CWC22: variants seen among roughly 807,000 people sequenced by gnomAD.
CWC22 encodes the protein CWC22 spliceosome associated protein.
A neutral mutation model predicts 117.2 loss-of-function variants in CWC22; 53 were observed. The observed-to-expected ratio is 0.45, with a 90% CI of 0.36 to 0.57. The LOEUF is 0.57. Among genes scored for constraint, CWC22 ranks in the 20% least tolerant of loss-of-function variants. CWC22 has a pLI of 0.00. For missense variants in CWC22, 980 were observed against 1,068.8 expected (o/e 0.92, Z 1.16); for synonymous variants, 360 against 355.6 (o/e 1.01, Z -0.14).
At chr2:179,995,655 T>C (rs1687679791) in intron 1 of CWC22, among the ~76,000 whole-genome samples, 1 of 152,122 alleles carries the variant, frequency 6.6e-6, no homozygotes. Context: ...GTAACAACCA[T>C]AAACTCTTGA....
chr2:179,960,606 G>C (rs917371081), intron 13 of CWC22, among the ~76,000 whole-genome samples: 1 of 151,864 alleles, frequency 6.6e-6, no homozygotes, highest in African/African-American at 2.4e-5. Context: ...ATTTCAGAAG[G>C]ATTTAGAGAC....
rs199652450 is a variant in CWC22 at position 179,981,819 on chromosome 2, T to C, written c.385A>G (p.Thr129Ala). ...KDELDPLLTR[T>A]GGAYIPPAKL... ...GCAGGGGGAATATATGCTCCACCAGTGCGAGTAAGAAGAGGATCCAGCTCA... is the reference window on the plus strand; with the variant it reads ...GCAGGGGGAATATATGCTCCACCAGCGCGAGTAAGAAGAGGATCCAGCTCA... Residue 129 changes from threonine to alanine, a missense_variant, in exon 5 of 20, where the codon ACT becomes GCT. Physicochemically the swap from Thr to Ala is moderately conservative, Grantham distance 58 (BLOSUM62 0). Transcript: ENST00000410053. 2,251 of 1,613,818 alleles carry C rather than the reference T, an allele frequency of 1.4e-3. 6 individuals are homozygous for C. Among genetic ancestry groups the C allele is most frequent in the Non-Finnish European group, 1.8e-3 (2,094 of 1,179,856 alleles).
chr2:179,986,880 G>A, intron 3 of CWC22, 75 bp from the exon 4 acceptor site: 1 of 757,402 alleles, frequency 1.3e-6, no homozygotes, highest in East Asian at 2.8e-5. Context: ...GTCATATATT[G>A]GTAATGGTAA....
At chr2:179,994,924 G>A (rs1687662817) in intron 1 of CWC22, among the ~76,000 whole-genome samples, 1 of 152,122 alleles carries the variant, frequency 6.6e-6, no homozygotes, top group East Asian at 1.9e-4. Context: ...ACACCATCCT[G>A]GCAAACACAG....
chr2:179,964,752 T>G (rs1227215337), intron 12 of CWC22, 124 bp from the exon 13 acceptor site: 1 of 559,044 alleles, frequency 1.8e-6, no homozygotes. Context: ...TAATATTATC[T>G]TTTTACTGTG....
intron 1 of CWC22, among the ~76,000 whole-genome samples, chr2:180,004,986 C>G (rs1268530739): frequency 1.4e-5 from 2 of 147,602 alleles, no homozygotes; most frequent in Non-Finnish European, 3.0e-5. Flanking sequence ...CAGAAGTTCT[C>G]AAACTAATTG....
intron 1 of CWC22, among the ~76,000 whole-genome samples, chr2:180,006,110 A>C (rs1345202033): frequency 1.3e-5 from 2 of 152,224 alleles, no homozygotes; most frequent in Admixed American, 1.3e-4. Flanking sequence ...AATACAGATA[A>C]GAGGTAGGTT....
rs760059247 is a variant in CWC22 at position 179,945,530 on chromosome 2, T to C, written c.2326A>G (p.Asn776Asp). The C allele has an allele frequency of 4.0e-5, 64 of 1,613,210 alleles. No individual in the cohort carries two copies. Among genetic ancestry groups the C allele is most frequent in the Non-Finnish European group, 5.3e-5 (63 of 1,179,490 alleles). Residue 776 changes from asparagine (N) to aspartate (D), a missense_variant, in exon 20 of 20, where the codon AAT becomes GAT. By Grantham distance (23) the Asn-to-Asp change is conservative (BLOSUM62 1). Coordinates refer to ENST00000410053, the MANE Select transcript of CWC22 (RefSeq NM_020943.3). The stretch of plus-strand genomic sequence containing the variant: ...TACTTTGTTATAGGATCTCTCCAAT[T>C]TGAACCACTTGAATTTTGATCTCTG... ...KHRDQNSSGS[N>D]WRDPITKYTS...
chr2:179,991,940 G>A (rs1687578920), intron 2 of CWC22, among the ~76,000 whole-genome samples: 1 of 152,224 alleles, frequency 6.6e-6, no homozygotes, highest in South Asian at 2.1e-4. Context: ...TTAAAAGGGA[G>A]GTGGGTGAGT....
Position 179,970,166 on chromosome 2 carries a change from T to G in CWC22, c.1210+335A>C, listed in dbSNP as rs192676981. Among the ~76,000 whole-genome samples the G allele has an allele frequency of 9.5e-4, 144 of 152,284 alleles. 1 individual carries two copies. The highest frequency in any genetic ancestry group is 4.4e-5 in the Non-Finnish European group (3 of 67,994). On this transcript the variant is annotated intron_variant, in intron 11 of 19. Coordinates refer to ENST00000410053, the MANE Select transcript of CWC22 (RefSeq NM_020943.3). ...CAATAAAGTATACCACTTAATTGAA[T>G]ACTAAACTGGGTGGCACAGAATGTA...
intron 19 of CWC22, 83 bp from the exon 20 acceptor site, chr2:179,945,798 G>A: frequency 1.1e-6 from 1 of 871,950 alleles, no homozygotes; most frequent in Non-Finnish European, 1.7e-6. Context: ...CTGATACAGT[G>A]TAGGTTTACT....
chr2:179,946,176 G>C (rs1686291725), intron 19 of CWC22, among the ~76,000 whole-genome samples: 1 of 152,100 alleles, frequency 6.6e-6, no homozygotes, highest in South Asian at 2.1e-4. Context: ...AGGTACAGTG[G>C]CTCATGCCTA....
chr2:179,982,904 G>A (rs887342700), intron 4 of CWC22, among the ~76,000 whole-genome samples: 8 of 152,112 alleles, frequency 5.3e-5, no homozygotes, highest in African/African-American at 1.9e-4. Flanking sequence ...GGGTAACCAT[G>A]AGTTATATAT....
In CWC22 at chr2:180,001,326, T is replaced by A. The variant is rs1294108416; in HGVS notation, c.-114+5541A>T. On this transcript the variant is annotated intron_variant, in intron 1 of 19. Transcript: ENST00000410053. ...TTCACACTTGATGCCTCTAATTTTT[T>A]TTTCTTTTTTTTTTTTCTTGAGACA... is the stretch of plus-strand genomic sequence containing the variant. Among the ~76,000 whole-genome samples the A allele has an allele frequency of 3.3e-5, 5 of 152,052 alleles. No homozygotes were observed. In the East Asian group the frequency reaches 7.7e-4, roughly 24 times the overall value.
At chr2:180,004,326 A>C (rs1406889650) in intron 1 of CWC22, among the ~76,000 whole-genome samples, 1 of 152,230 alleles carries the variant, frequency 6.6e-6, no homozygotes. Flanking sequence ...TCTCAGGTAC[A>C]AGCCACTGTA....
intron 1 of CWC22, among the ~76,000 whole-genome samples, chr2:179,994,264 T>G (rs186617543): frequency 6.6e-6 from 1 of 152,068 alleles, no homozygotes; most frequent in Admixed American, 6.5e-5. Flanking sequence ...ATACAGAGAA[T>G]GCAGAGAAAG....
intron 2 of CWC22, among the ~76,000 whole-genome samples, chr2:179,991,688 T>C (rs562248207): frequency 6.6e-6 from 1 of 152,320 alleles, no homozygotes; most frequent in East Asian, 1.9e-4. Context: ...TTGTCTAACA[T>C]GGCTCTGTCA....
intron 4 of CWC22, among the ~76,000 whole-genome samples, chr2:179,985,820 G>GTA (rs66496305): frequency 0.17 from 25,948 of 151,042 alleles, 2,270 homozygotes; most frequent in East Asian, 0.26. Context: ...AAAAAACATA[G>GTA]TATATATATA....
intron 13 of CWC22, among the ~76,000 whole-genome samples, chr2:179,962,103 A>C (rs568962716): frequency 1.3e-5 from 2 of 152,290 alleles, no homozygotes; most frequent in Admixed American, 1.3e-4. Flanking sequence ...ATATCGTTTA[A>C]AAGCAAGAAC....
Sources: allele counts gnomAD v4.1 joint callset (sites outside exome capture counted in the v4.1 genomes callset), GRCh38; gene constraint gnomAD v4.1.1; transcripts MANE v1.5; gene names NCBI Gene and HGNC (gene_info 2026-07-23, HGNC 2026-07-21).